The following ERI1 variants were observed in gnomAD, a reference collection of about 807,000 sequenced individuals.
ERI1 encodes the protein 3'-5' exoribonuclease 1.
Under a neutral mutation model 39.7 loss-of-function variants are expected in ERI1, and 39 were observed. That is an observed-to-expected ratio of 0.98 (90% CI 0.76 to 1.28). ERI1 has a LOEUF of 1.28. ERI1 is among the 50% of genes most tolerant of loss of function. The probability of loss-of-function intolerance (pLI) is 0.00; values close to 1 mark genes in which losing one functional copy is unlikely to be tolerated. For missense variants in ERI1, 581 were observed against 416.9 expected (o/e 1.39, Z -3.43); for synonymous variants, 204 against 149.6 (o/e 1.36, Z -2.65).
At chr8:9,015,026 C>CA (rs1320887611) in intron 3 of ERI1, among the ~76,000 whole-genome samples, 10 of 152,202 alleles carry the variant, frequency 6.6e-5, no homozygotes, top group Non-Finnish European at 1.5e-5. Flanking sequence ...TTAGTAGAGA[C>CA]AGGTTTCACC....
Position 9,092,917 on chromosome 8 carries a change from G to A in ERI1, n.300-23431G>A, listed in dbSNP as rs114397448. The stretch of plus-strand genomic sequence containing the variant: ...AGGGCTGGGAGGGAGAATCTGTTCA[G>A]GCCTGTCTCCTGGCTTCTGGTGGTT... On this transcript the variant is annotated intron_variant and non_coding_transcript_variant, in intron 3 of 3. Transcript: ENST00000518663. 2.4e-3 allele frequency among the ~76,000 whole-genome samples: 373 copies of A among 152,314 alleles called. 2 individuals are homozygous for A. The highest frequency in any genetic ancestry group is 8.3e-3 in the African/African-American group (346 of 41,576).
chr8:9,015,692 A>T (rs1278572314), intron 3 of ERI1, among the ~76,000 whole-genome samples: 1 of 136,650 alleles, frequency 7.3e-6, no homozygotes, highest in Non-Finnish European at 1.5e-5. Context: ...AGTGCACTCC[A>T]GCCTGGGAGA....
chr8:9,053,940 T>C (rs928828492), intron 3 of ERI1, among the ~76,000 whole-genome samples: 1 of 152,296 alleles, frequency 6.6e-6, no homozygotes, highest in African/African-American at 2.4e-5. Flanking sequence ...TCTTTGGTGG[T>C]TTTCAACAGG....
intron 6 of ERI1, among the ~76,000 whole-genome samples, chr8:9,021,263 T>TTGA (rs111414261): frequency 3.2e-4 from 49 of 152,316 alleles, no homozygotes; most frequent in African/African-American, 1.1e-3. Flanking sequence ...ACTCAGGTAG[T>TTGA]CTGTCAGGTT....
chr8:9,079,423 A>C (rs1799306184), intron 3 of ERI1, among the ~76,000 whole-genome samples: 1 of 152,238 alleles, frequency 6.6e-6, no homozygotes, highest in Admixed American at 6.5e-5. Context: ...AATACATGTG[A>C]AGGGTTCCTG....
intron 3 of ERI1, among the ~76,000 whole-genome samples, chr8:9,064,317 A>C (rs1798799966): frequency 6.6e-6 from 1 of 151,884 alleles, no homozygotes; most frequent in Non-Finnish European, 1.5e-5. Flanking sequence ...GGGTTCTTGC[A>C]CCCCAGAAAA....
At chr8:9,086,869 A>G (rs970971835) in intron 3 of ERI1, among the ~76,000 whole-genome samples, 2 of 152,180 alleles carry the variant, frequency 1.3e-5, no homozygotes, top group African/African-American at 4.8e-5. Flanking sequence ...TTTTCCTGCA[A>G]TGGACTTACT....
At chr8:9,070,487 C>T (rs1799013941) in intron 3 of ERI1, among the ~76,000 whole-genome samples, 1 of 151,946 alleles carries the variant, frequency 6.6e-6, no homozygotes, top group African/African-American at 2.4e-5. Context: ...GACCTTGTCT[C>T]AAGAAAAACA....
chr8:9,019,932 A>T (rs1563324355), intron 5 of ERI1, among the ~76,000 whole-genome samples: 1 of 152,230 alleles, frequency 6.6e-6, no homozygotes, highest in African/African-American at 2.4e-5. Flanking sequence ...AAAATGTTGT[A>T]GCAGAACAGA....
At chr8:9,042,855 C>T (rs1798067451) in intron 3 of ERI1, among the ~76,000 whole-genome samples, 1 of 152,146 alleles carries the variant, frequency 6.6e-6, no homozygotes, top group Non-Finnish European at 1.5e-5. Flanking sequence ...ATTTCTGGTC[C>T]CTAGCATTTC....
chr8:9,061,484 G>T (rs1798694547), intron 3 of ERI1, among the ~76,000 whole-genome samples: 1 of 152,212 alleles, frequency 6.6e-6, no homozygotes, highest in Admixed American at 6.5e-5. Context: ...CATAGTTTGT[G>T]ATTTTAAAGG....
At chr8:9,085,660 C>G (rs919156029) in intron 3 of ERI1, among the ~76,000 whole-genome samples, 4 of 151,862 alleles carry the variant, frequency 2.6e-5, no homozygotes, top group African/African-American at 9.7e-5. Flanking sequence ...TATTTACTAT[C>G]TGGCCCTTAA....
At chr8:9,097,552 C>G (rs891607329) in intron 3 of ERI1, among the ~76,000 whole-genome samples, 3 of 151,796 alleles carry the variant, frequency 2.0e-5, no homozygotes, top group Non-Finnish European at 4.4e-5. Flanking sequence ...GCCTGTAGTC[C>G]CAGCTACGCA....
At chr8:9,051,886 T>C (rs1010053695) in intron 3 of ERI1, among the ~76,000 whole-genome samples, 1 of 152,240 alleles carries the variant, frequency 6.6e-6, no homozygotes, top group African/African-American at 2.4e-5. Flanking sequence ...AACTTCAGAC[T>C]GTAGCTGCAG....
rs77023112 is a variant in ERI1 at position 9,023,502 on chromosome 8, C to G, written c.807+3038C>G. 2.9e-3 allele frequency among the ~76,000 whole-genome samples: 445 copies of G among 152,196 alleles called. 2 individuals carry two copies. The highest frequency in any genetic ancestry group is 0.01 in the African/African-American group (427 of 41,526). On this transcript the variant is annotated intron_variant, in intron 6 of 6. Coordinates refer to ENST00000250263, the MANE Select transcript of ERI1 (RefSeq NM_153332.4). ...TCGGAAAGTTGTAGATATTATAAGG[C>G]AATAAAATGCTCCCTCCTTTTTTGA... is the stretch of plus-strand genomic sequence containing the variant.
At chr8:9,074,538 C>T (rs1252550151) in intron 3 of ERI1, among the ~76,000 whole-genome samples, 1 of 152,146 alleles carries the variant, frequency 6.6e-6, no homozygotes, top group Non-Finnish European at 1.5e-5. Context: ...ACCTCCTGGG[C>T]TCAAGCAATT....
intron 3 of ERI1, among the ~76,000 whole-genome samples, chr8:9,093,392 T>C (rs980189190): frequency 6.6e-6 from 1 of 151,414 alleles, no homozygotes. Context: ...GTACTGGGGG[T>C]TGAAACTTTA....
chr8:9,054,167 A>G (rs907643417), intron 3 of ERI1, among the ~76,000 whole-genome samples: 1 of 152,178 alleles, frequency 6.6e-6, no homozygotes, highest in Non-Finnish European at 1.5e-5. Context: ...ATTAAAGGTG[A>G]TATAAATTGT....
chr8:9,016,555 A>G (rs879212575), intron 4 of ERI1, 150 bp downstream of exon 4: 1 of 412,624 alleles, frequency 2.4e-6, no homozygotes, highest in South Asian at 7.7e-5. Flanking sequence ...AATTAAAAAA[A>G]AAAAAACAGC....
Sources: gnomAD v4.1 joint callset for allele counts (sites outside exome capture counted in the v4.1 genomes callset) on GRCh38, gnomAD v4.1.1 for gene constraint, MANE v1.5 for transcripts, NCBI Gene and HGNC (gene_info 2026-07-23, HGNC 2026-07-21) for gene names.